The following MLLT3 variants were observed in gnomAD, a reference collection of about 807,000 sequenced individuals.
The protein encoded by MLLT3 is MLLT3 super elongation complex subunit.
Under a neutral mutation model 53.2 loss-of-function variants are expected in MLLT3, and 4 were observed. That is an observed-to-expected ratio of 0.08 (90% CI 0.04 to 0.17). The LOEUF (loss-of-function observed/expected upper bound fraction) is 0.17, where lower values mean the gene tolerates loss of function less well. Among genes scored for constraint, MLLT3 ranks in the 10% least tolerant of loss-of-function variants. The pLI is 1.00. For missense variants in MLLT3, 569 were observed against 684.0 expected, an observed-to-expected ratio of 0.83 and a Z score of 1.87; for synonymous variants, 283 against 230.6, an observed-to-expected ratio of 1.23 and a Z score of -2.06.
At chr9:20,398,575 AAGAGCACTGT>A (rs1386841419) in intron 5 of MLLT3, among the ~76,000 whole-genome samples, 5 of 152,138 alleles carry the variant, frequency 3.3e-5, no homozygotes, top group African/African-American at 1.2e-4. Context: ...CAATAATTTC[AAGAGCACTGT>A]AAACATTAGA....
intron 2 of MLLT3, among the ~76,000 whole-genome samples, chr9:20,545,604 G>C (rs1818766195): frequency 1.3e-5 from 2 of 152,092 alleles, no homozygotes; most frequent in Non-Finnish European, 2.9e-5. Context: ...TAGTACACAG[G>C]AATATATTAC....
intron 4 of MLLT3, among the ~76,000 whole-genome samples, chr9:20,421,959 T>C (rs993155393): frequency 6.6e-6 from 1 of 152,160 alleles, no homozygotes; most frequent in African/African-American, 2.4e-5. Flanking sequence ...AAATTAATGT[T>C]ATAATAAAAT....
chr9:20,399,730 G>A (rs745991805), intron 5 of MLLT3, among the ~76,000 whole-genome samples: 3 of 152,010 alleles, frequency 2.0e-5, no homozygotes, highest in Admixed American at 1.3e-4. Context: ...AGGATGAAAC[G>A]GTCAGACTGG....
chr9:20,448,361 A>G lies in MLLT3; in HGVS notation c.277-95T>C. 1 of 1,156,458 alleles carries G rather than the reference A, an allele frequency of 8.6e-7. No homozygotes were observed. The allele number at this position is 1,156,458 out of a possible 1,614,324, so 71.6% of individuals were successfully genotyped here. A position where few individuals can be genotyped will look rare whatever the true frequency, so the allele number is the denominator to read the frequency against. ...TTACTCCTCATAAGAAATAGAAAAG[A>G]ACTAAGACATCTAACAGCTAAACTG... is the stretch of plus-strand genomic sequence containing the variant. On this transcript the variant is annotated intron_variant, in intron 3 of 10. Transcript: ENST00000380338. This position sits in a 1 kb window ranked among gnomAD's most constrained non-coding sequence, Gnocchi z 4.0.
At position 20,448,932 on chromosome 9, in the gene MLLT3, T is replaced by C. The variant is rs1485520411; in HGVS notation, c.277-666A>G. ...CATCTGATGGCCTAGCAACATCCCA[T>C]TACTGGTTGCTTCCCAGTACCTACT... On this transcript the variant is annotated intron_variant, in intron 3 of 10. Transcript: ENST00000380338. The surrounding 1 kb of genome is among the most constrained non-coding windows in gnomAD (Gnocchi z 4.0). Among the ~76,000 whole-genome samples, 1 of 152,158 alleles carries C rather than the reference T, an allele frequency of 6.6e-6. No homozygotes were observed. Among genetic ancestry groups the C allele is most frequent in the Non-Finnish European group, 1.5e-5 (1 of 68,022 alleles).
chr9:20,599,443 T>C (rs982393994), intron 2 of MLLT3, among the ~76,000 whole-genome samples: 3 of 142,556 alleles, frequency 2.1e-5, no homozygotes, highest in African/African-American at 7.8e-5. Context: ...CTGAAACAAT[T>C]AGTAACCAGA....
chr9:20,353,734 A>C, intron 9 of MLLT3, 138 bp from the exon 10 acceptor site: 2 of 709,342 alleles, frequency 2.8e-6, no homozygotes, highest in Non-Finnish European at 4.9e-6. Context: ...GGCTGTGTGC[A>C]CTCAGTGCCC....
At chr9:20,481,841 A>T (rs967440005) in intron 2 of MLLT3, among the ~76,000 whole-genome samples, 110 of 152,202 alleles carry the variant, frequency 7.2e-4, no homozygotes, top group African/African-American at 2.4e-3. Context: ...CACATTTTTT[A>T]AAAAAGTCAA....
intron 2 of MLLT3, among the ~76,000 whole-genome samples, chr9:20,541,375 T>C (rs1466746090): frequency 2.0e-5 from 3 of 152,186 alleles, no homozygotes; most frequent in East Asian, 3.8e-4. Flanking sequence ...TAGTCTGTTT[T>C]TGCACTGCAA....
chr9:20,377,550 A>C (rs1454876620), intron 5 of MLLT3, among the ~76,000 whole-genome samples: 1 of 152,178 alleles, frequency 6.6e-6, no homozygotes, highest in African/African-American at 2.4e-5. Context: ...TATTTTGACA[A>C]GACATTTAAC....
At chr9:20,382,863 A>G (rs906700432) in intron 5 of MLLT3, among the ~76,000 whole-genome samples, 6 of 151,660 alleles carry the variant, frequency 4.0e-5, no homozygotes, top group African/African-American at 1.5e-4. Flanking sequence ...AGAAATGACT[A>G]TGTAAAGATT....
At chr9:20,501,015 TAC>T (rs1205848601) in intron 2 of MLLT3, among the ~76,000 whole-genome samples, 1 of 152,114 alleles carries the variant, frequency 6.6e-6, no homozygotes, top group African/African-American at 2.4e-5. Context: ...AACACACAGA[TAC>T]ACACACACAT....
chr9:20,422,611 G>A (rs187383818), intron 4 of MLLT3, among the ~76,000 whole-genome samples: 76 of 152,252 alleles, frequency 5.0e-4, no homozygotes, highest in African/African-American at 1.7e-3. Context: ...GACCGTTCAA[G>A]GAGAGATTCG....
intron 4 of MLLT3, among the ~76,000 whole-genome samples, chr9:20,443,228 G>T (rs1183316542): frequency 6.6e-6 from 1 of 151,996 alleles, no homozygotes; most frequent in Non-Finnish European, 1.5e-5. Context: ...CAGGCCATTT[G>T]GTTTCCAGGC....
Position 20,448,329 on chromosome 9 carries a change from C to T in MLLT3, c.277-63G>A, listed in dbSNP as rs534289399. Reference sequence around the variant, plus strand: ...TGAGGCATAAGTGAAATTTTAAAAGCAAAAATTTACTCCTCATAAGAAATA... The same window carrying T: ...TGAGGCATAAGTGAAATTTTAAAAGTAAAAATTTACTCCTCATAAGAAATA... On this transcript the variant is annotated intron_variant, in intron 3 of 10. Transcript: ENST00000380338. The surrounding 1 kb of genome is among the most constrained non-coding windows in gnomAD (Gnocchi z 4.0). 3.4e-4 allele frequency: 502 copies of T among 1,471,554 alleles called. 1 individual carries two copies. The African/African-American group carries it at 5.5e-3, about 16-fold the overall frequency. The allele number at this position is 1,471,554 out of a possible 1,614,324, so 91.2% of individuals were successfully genotyped here. A position where few individuals can be genotyped will look rare whatever the true frequency, so the allele number is the denominator to read the frequency against.
At chr9:20,540,337 C>T (rs1274339564) in intron 2 of MLLT3, among the ~76,000 whole-genome samples, 2 of 152,226 alleles carry the variant, frequency 1.3e-5, no homozygotes, top group Non-Finnish European at 2.9e-5. Context: ...CCTGCACTGC[C>T]CTAGTAGAGG....
At chr9:20,382,570 C>T (rs1010247632) in intron 5 of MLLT3, 8 of 151,832 alleles carry the variant, frequency 5.3e-5, no homozygotes, top group Admixed American at 2.6e-4. Flanking sequence ...CATGACTTCC[C>T]AATTGCTCAT....
Position 20,523,540 on chromosome 9 carries a change from A to G in MLLT3, c.194-66754T>C, listed in dbSNP as rs190424788. The stretch of plus-strand genomic sequence containing the variant: ...ACACAATGGAATATTATTCAACACT[A>G]AAAGGAAATGAGCTATCAAGCCATG... On this transcript the variant is annotated intron_variant, in intron 2 of 10. Coordinates refer to ENST00000380338, the MANE Select transcript of MLLT3 (RefSeq NM_004529.4). 1.4e-3 allele frequency among the ~76,000 whole-genome samples: 214 copies of G among 152,354 alleles called. 1 individual carries two copies. Among genetic ancestry groups the G allele is most frequent in the African/African-American group, 4.6e-3 (191 of 41,590 alleles).
intron 2 of MLLT3, among the ~76,000 whole-genome samples, chr9:20,510,455 A>G (rs1001927598): frequency 5.9e-5 from 9 of 152,016 alleles, no homozygotes; most frequent in Non-Finnish European, 1.2e-4. Flanking sequence ...TATTAAAAAT[A>G]CACAAAATTA....
Sources: gnomAD v4.1 joint callset for allele counts (sites outside exome capture counted in the v4.1 genomes callset) on GRCh38, gnomAD v4.1.1 for gene constraint, Gnocchi (gnomAD v3.1) non-coding constraint, MANE v1.5 for transcripts, NCBI Gene and HGNC (gene_info 2026-07-23, HGNC 2026-07-21) for gene names.